Variants in SHPRH observed in about 807,000 individuals in gnomAD.
SHPRH encodes the protein SNF2 histone linker PHD RING helicase.
Under a neutral mutation model 202.5 loss-of-function variants are expected in SHPRH, and 106 were observed. The ratio of observed to expected loss-of-function variants is 0.52; its 90% CI spans 0.45 to 0.62. The LOEUF is 0.62. Among genes scored for constraint, SHPRH ranks in the 20% least tolerant of loss-of-function variants. The pLI is 0.00. For synonymous variants in SHPRH, 729 were observed against 686.0 expected (o/e 1.06, Z -0.98); for missense variants, 1,710 against 2,020.0 (o/e 0.85, Z 2.94).
Position 145,933,076 on chromosome 6 carries a change from T to G in SHPRH, c.3093A>C (p.Ala1031=). ...RQLVCALNGL[A]GIHIIKGEYA... ...TTCTACCTTTAATAATATGAATGCC[T>G]GCTAAGCCATTGAGAGCACAAACTA... The change falls in exon 14 of 30, where the codon GCA becomes GCC. Residue 1031 remains alanine (A), a synonymous_variant. Transcript: ENST00000275233. 3 of 1,613,766 alleles carry G rather than the reference T, an allele frequency of 1.9e-6. No homozygotes were observed. The highest frequency in any genetic ancestry group is 3.3e-5 in the Admixed American group (2 of 60,010).
At chr6:145,919,309 G>T in intron 22 of SHPRH, 39 bp downstream of exon 22, 1 of 1,609,600 alleles carries the variant, frequency 6.2e-7, no homozygotes, top group South Asian at 1.1e-5. Flanking sequence ...TGTGACATCT[G>T]CTTGCTGTTC....
chr6:145,963,711 C>T lies in SHPRH; in HGVS notation c.-33+20G>A, dbSNP rs959309430. 2.6e-5 allele frequency: 4 copies of T among 152,310 alleles called. No individual in the cohort carries two copies. Among genetic ancestry groups the T allele is most frequent in the African/African-American group, 7.2e-5 (3 of 41,562 alleles). 9.4% of individuals were successfully genotyped at this position (152,310 alleles called of 1,614,324 possible). ...CCAGTTCCAGCCTCCGGGGGTAGAT[C>T]TGCGGCGCACGGTACCCACTCAGTT... On this transcript the variant is annotated intron_variant, in intron 1 of 29. Transcript: ENST00000275233.
At chr6:145,946,476 C>T in intron 6 of SHPRH, 135 bp from the exon 7 acceptor site, 4 of 579,750 alleles carry the variant, frequency 6.9e-6, no homozygotes, top group Non-Finnish European at 8.8e-6. Flanking sequence ...GGCCAAATAG[C>T]TGTAGATACA....
downstream of SHPRH, among the ~76,000 whole-genome samples, chr6:145,860,698 T>C (rs143818254): frequency 1.4e-3 from 218 of 152,198 alleles, no homozygotes; most frequent in African/African-American, 5.0e-3. Context: ...AAAGAAATTT[T>C]GAGCACTAAG....
At chr6:145,918,963 A>G (rs1159388006) in intron 22 of SHPRH, 1 of 158,792 alleles carries the variant, frequency 6.3e-6, no homozygotes, top group East Asian at 1.9e-4. Context: ...AAACACTGCA[A>G]AAGAAAAGGT....
rs924486046 is a variant in SHPRH, at chr6:145,939,156, T to C, written c.2569+1567A>G. 5.3e-5 allele frequency among the ~76,000 whole-genome samples: 8 copies of C among 152,168 alleles called. No individual in the cohort carries two copies. In the East Asian group the frequency reaches 1.4e-3, roughly 26 times the overall value. On this transcript the variant is annotated intron_variant, in intron 11 of 29. Coordinates refer to ENST00000275233, the MANE Select transcript of SHPRH (RefSeq NM_001042683.3). ...CATGAGCAGGCTAACATTCCTAGTG[T>C]GACAACTAGAAAAAAAACATTTAAT...
downstream of SHPRH, among the ~76,000 whole-genome samples, chr6:145,861,379 C>G (rs2246132): frequency 0.28 from 41,868 of 151,024 alleles, 6,287 homozygotes; most frequent in South Asian, 0.37. Flanking sequence ...GAAATGTAAA[C>G]GAAAACTACA....
chr6:145,945,786 G>T (rs1787308653), intron 7 of SHPRH, 149 bp from the exon 8 acceptor site: 8 of 741,052 alleles, frequency 1.1e-5, no homozygotes, highest in Non-Finnish European at 1.4e-5. Flanking sequence ...GAAAAAATAT[G>T]TAATAAAAAT....
At chr6:145,920,221 T>C (rs1183775244) in intron 21 of SHPRH, among the ~76,000 whole-genome samples, 2 of 152,104 alleles carry the variant, frequency 1.3e-5, no homozygotes, top group Non-Finnish European at 2.9e-5. Flanking sequence ...TGCAAAGTTA[T>C]GCAGAAAATA....
intron 10 of SHPRH, 113 bp downstream of exon 10, chr6:145,941,510 C>G (rs2128779490): frequency 6.8e-7 from 1 of 1,478,716 alleles, no homozygotes; most frequent in East Asian, 2.3e-5. Flanking sequence ...AAACTTTTGA[C>G]CAATATCAGT....
intron 2 of SHPRH, among the ~76,000 whole-genome samples, chr6:145,864,771 A>G (rs1230317077): frequency 1.3e-5 from 2 of 152,068 alleles, no homozygotes; most frequent in African/African-American, 2.4e-5. Context: ...ATGATGCCCT[A>G]GATTCTGTGA....
At chr6:145,897,992 T>C (rs1782161284) in intron 25 of SHPRH, among the ~76,000 whole-genome samples, 1 of 151,588 alleles carries the variant, frequency 6.6e-6, no homozygotes, top group African/African-American at 2.4e-5. Flanking sequence ...TTATTCAACA[T>C]AGTATTGGAA....
intron 25 of SHPRH, chr6:145,904,971 T>C (rs917310004): frequency 6.6e-6 from 1 of 152,096 alleles, no homozygotes; most frequent in Non-Finnish European, 1.5e-5. Context: ...ATCCTGGGTG[T>C]CTAGGAAAGC....
chr6:145,950,356 T>A lies in SHPRH; in HGVS notation c.890A>T (p.His297Leu). The A allele has an allele frequency of 6.2e-7, 1 of 1,613,310 alleles. No homozygotes were observed. The highest frequency in any genetic ancestry group is 8.5e-7 in the Non-Finnish European group (1 of 1,179,460). The change falls in exon 4 of 30, where the codon CAT (histidine) becomes CTT (leucine). Residue 297 changes from histidine (H) to leucine (L), a missense_variant. By Grantham distance (99) the His-to-Leu change is moderately conservative (BLOSUM62 -3). Transcript: ENST00000275233. The part of the protein sequence containing the change: ...ETQSIQVDVQ[H>L]PALIPVLRPY... ...TCTCAACACAGGGATCAATGCAGGA[T>A]GCTGGACATCCACTTGGATGGACTG...
rs571018581 is a variant in SHPRH, at chr6:145,946,127, G to A, written c.1321+106C>T. 17 of 764,562 alleles carry A rather than the reference G, an allele frequency of 2.2e-5. No individual in the cohort carries two copies. In the East Asian group the frequency reaches 3.8e-4, roughly 17 times the overall value. 47.4% of individuals were successfully genotyped at this position (764,562 alleles called of 1,614,324 possible). On this transcript the variant is annotated intron_variant, in intron 7 of 29. Transcript: ENST00000275233. ...TCATTTATCAAAAGCATATATAACT[G>A]TAAAAACAATTGTTTATAACAATTA...
At chr6:145,955,892 G>A (rs945105459) in intron 1 of SHPRH, among the ~76,000 whole-genome samples, 6 of 152,010 alleles carry the variant, frequency 3.9e-5, no homozygotes, top group African/African-American at 1.5e-4. Context: ...AACAGCTACT[G>A]TAAATATTCT....
At chr6:145,919,292 A>C (rs748367728) in intron 22 of SHPRH, 56 bp downstream of exon 22, 2 of 1,605,556 alleles carry the variant, frequency 1.2e-6, no homozygotes, top group Non-Finnish European at 1.7e-6. Flanking sequence ...TATGGGTCTT[A>C]GATATCTGTG....
At chr6:145,867,038 A>C (rs1034403167) in intron 2 of SHPRH, among the ~76,000 whole-genome samples, 1 of 152,208 alleles carries the variant, frequency 6.6e-6, no homozygotes, top group Non-Finnish European at 1.5e-5. Context: ...TATATTAAAA[A>C]CACTTCAGTT....
In SHPRH at chr6:145,927,264, C is replaced by T; in HGVS notation, c.3126G>A (p.Leu1042=). Residue 1042 remains leucine, a synonymous_variant, in exon 15 of 30, where the codon TTG becomes TTA. Coordinates refer to ENST00000275233, the MANE Select transcript of SHPRH (RefSeq NM_001042683.3). Reference sequence around the variant, plus strand: ...ACACTTCTCTGTACAATTCTGCTGCCAAGGCATACTCACCTAAAGAATTAA... The same window carrying T: ...ACACTTCTCTGTACAATTCTGCTGCTAAGGCATACTCACCTAAAGAATTAA... ...GIHIIKGEYA[L]AAELYREVLR... 1 of 1,611,472 alleles carries T rather than the reference C, an allele frequency of 6.2e-7. No individual in the cohort carries two copies. Among genetic ancestry groups the T allele is most frequent in the Non-Finnish European group, 8.5e-7 (1 of 1,178,586 alleles).
Sources: allele counts gnomAD v4.1 joint callset (sites outside exome capture counted in the v4.1 genomes callset), GRCh38; gene constraint gnomAD v4.1.1; transcripts MANE v1.5; gene names NCBI Gene and HGNC (gene_info 2026-07-23, HGNC 2026-07-21).